The following SPTLC3 variants were observed in gnomAD, a reference collection of about 807,000 sequenced individuals.
The protein encoded by SPTLC3 is serine palmitoyltransferase long chain base subunit 3.
In SPTLC3, 36 loss-of-function variants were observed where a neutral mutation model predicts 59.3. The observed-to-expected ratio is 0.61, with a 90% CI of 0.47 to 0.80. The LOEUF (loss-of-function observed/expected upper bound fraction) is 0.80, where lower values mean the gene tolerates loss of function less well. Ranked by LOEUF, SPTLC3 falls within the 30% of genes least tolerant of loss-of-function variation. The pLI, the probability that SPTLC3 is intolerant of heterozygous loss-of-function variation, is 0.00. For synonymous variants in SPTLC3, 257 were observed against 240.8 expected, an observed-to-expected ratio of 1.07 and a Z score of -0.62; for missense variants, 625 against 685.1, an observed-to-expected ratio of 0.91 and a Z score of 0.98.
At chr20:13,031,514 T>C (rs1477941019) in intron 1 of SPTLC3, among the ~76,000 whole-genome samples, 1 of 152,154 alleles carries the variant, frequency 6.6e-6, no homozygotes, top group Non-Finnish European at 1.5e-5. Context: ...AAACATGAAA[T>C]AAATTATCAA....
intron 7 of SPTLC3, among the ~76,000 whole-genome samples, chr20:13,116,898 C>T (rs1990588461): frequency 6.9e-6 from 1 of 145,388 alleles, no homozygotes. Flanking sequence ...CTGATGTTCA[C>T]TCAACTTTCT....
chr20:13,065,655 TA>T (rs1988174689), intron 2 of SPTLC3, among the ~76,000 whole-genome samples: 1 of 151,892 alleles, frequency 6.6e-6, no homozygotes, highest in Non-Finnish European at 1.5e-5. Context: ...ATTCCTGCCA[TA>T]TTTTTTACAT....
intron 2 of SPTLC3, among the ~76,000 whole-genome samples, chr20:13,059,314 G>A (rs6109675): frequency 0.35 from 53,239 of 152,000 alleles, 10,181 homozygotes; most frequent in African/African-American, 0.52. Context: ...TCACTGTTAC[G>A]TCGCTAGTAT....
In SPTLC3 at chr20:13,146,800, C is replaced by T. The variant is rs59653847; in HGVS notation, c.1280-7203C>T. Among the ~76,000 whole-genome samples, 1,075 of 152,258 alleles carry T rather than the reference C, an allele frequency of 7.1e-3. 13 individuals are homozygous for T. Among genetic ancestry groups the T allele is most frequent in the African/African-American group, 0.025 (1,021 of 41,540 alleles). On this transcript the variant is annotated intron_variant, in intron 9 of 11. Coordinates refer to ENST00000399002, the MANE Select transcript of SPTLC3 (RefSeq NM_018327.4). Reference sequence around the variant, plus strand: ...TTTTCATTTGTGAAGTGTATAACTCCGTGAATGATGGAATTCACGCCTCAT... The same window carrying T: ...TTTTCATTTGTGAAGTGTATAACTCTGTGAATGATGGAATTCACGCCTCAT...
At position 13,101,940 on chromosome 20, in the gene SPTLC3, G is replaced by A. The variant is rs116105285; in HGVS notation, c.827-8172G>A. Among the ~76,000 whole-genome samples, 832 of 152,284 alleles carry A rather than the reference G, an allele frequency of 5.5e-3. 8 individuals are homozygous for A. Among genetic ancestry groups the A allele is most frequent in the African/African-American group, 0.019 (801 of 41,558 alleles). On this transcript the variant is annotated intron_variant, in intron 6 of 11. Transcript: ENST00000399002. ...AAGACTTTCTTAAGCTAGCCTCGGA[G>A]AAAAGCTGTTTCTTCAGCTTAGAGA...
chr20:13,152,740 G>T (rs2038677514), intron 9 of SPTLC3, among the ~76,000 whole-genome samples: 1 of 152,124 alleles, frequency 6.6e-6, no homozygotes, highest in Admixed American at 6.5e-5. Context: ...AAAGAGGAAG[G>T]GCAGGGCCAA....
intron 6 of SPTLC3, 84 bp downstream of exon 6, chr20:13,093,661 T>C: frequency 3.1e-6 from 4 of 1,278,816 alleles, no homozygotes; most frequent in Non-Finnish European, 3.3e-6. Flanking sequence ...TGTTCTGCTC[T>C]TCAAGGTGAC....
intron 9 of SPTLC3, among the ~76,000 whole-genome samples, chr20:13,129,553 G>A (rs2038073687): frequency 1.3e-5 from 2 of 152,234 alleles, no homozygotes; most frequent in Admixed American, 1.3e-4. Flanking sequence ...AAAGACAAGT[G>A]ACTAGGAAAA....
chr20:13,095,404 T>G (rs1989375803), intron 6 of SPTLC3, among the ~76,000 whole-genome samples: 1 of 152,142 alleles, frequency 6.6e-6, no homozygotes. Flanking sequence ...AGCTGCACAA[T>G]AGTGGCATCT....
At chr20:13,018,278 C>T (rs954776167) in intron 1 of SPTLC3, among the ~76,000 whole-genome samples, 8 of 152,178 alleles carry the variant, frequency 5.3e-5, no homozygotes, top group Non-Finnish European at 2.9e-5. Flanking sequence ...AGTCATTGTG[C>T]AATCTCAGTA....
intron 11 of SPTLC3, among the ~76,000 whole-genome samples, chr20:13,163,979 G>A (rs1390456969): frequency 2.0e-5 from 3 of 152,008 alleles, no homozygotes; most frequent in Non-Finnish European, 4.4e-5. Flanking sequence ...ATGTATACAT[G>A]TGCCATGTTG....
chr20:13,125,779 G>T (rs112695332), intron 8 of SPTLC3, among the ~76,000 whole-genome samples: 1 of 152,138 alleles, frequency 6.6e-6, no homozygotes, highest in African/African-American at 2.4e-5. Flanking sequence ...GCATTTTGAG[G>T]CATAGACCCA....
At chr20:13,162,835 A>G (rs1404652279) in intron 11 of SPTLC3, among the ~76,000 whole-genome samples, 2 of 152,110 alleles carry the variant, frequency 1.3e-5, no homozygotes, top group Admixed American at 6.6e-5. Flanking sequence ...CACAAGCTCA[A>G]ATGCAGTGAG....
At chr20:13,100,234 C>T (rs1446707928) in intron 6 of SPTLC3, among the ~76,000 whole-genome samples, 1 of 152,076 alleles carries the variant, frequency 6.6e-6, no homozygotes, top group Non-Finnish European at 1.5e-5. Context: ...ACTTTTAAGC[C>T]TGTGTAAATA....
chr20:13,062,082 C>T (rs1987999450), intron 2 of SPTLC3, among the ~76,000 whole-genome samples: 1 of 152,166 alleles, frequency 6.6e-6, no homozygotes, highest in Admixed American at 6.5e-5. Context: ...CAGGTAATTT[C>T]CACTTACATA....
At chr20:13,110,634 C>G (rs1990178609) in intron 7 of SPTLC3, among the ~76,000 whole-genome samples, 1 of 152,124 alleles carries the variant, frequency 6.6e-6, no homozygotes, top group African/African-American at 2.4e-5. Flanking sequence ...ACGCCCAACC[C>G]CCAGCTGCTT....
Position 13,110,196 on chromosome 20 carries a change from T to C in SPTLC3, c.911T>C (p.Ile304Thr), listed in dbSNP as rs1160688990. The C allele has an allele frequency of 6.2e-7, 1 of 1,613,516 alleles. No homozygotes were observed. Among genetic ancestry groups the C allele is most frequent in the African/African-American group, 1.3e-5 (1 of 74,856 alleles). The change falls in exon 7 of 12, where the codon ATC becomes ACC. Residue 304 changes from isoleucine to threonine, a missense_variant. Coordinates refer to ENST00000399002, the MANE Select transcript of SPTLC3 (RefSeq NM_018327.4). ...RTRRAWKKIL[I>T]LVEGVYSMEG... is the part of the protein sequence containing the mutation. ...CGCAGAGCTTGGAAAAAGATTCTCATCCTGGTGGAGGGTGTCTACAGGTAT... is the reference window on the plus strand; with the variant it reads ...CGCAGAGCTTGGAAAAAGATTCTCACCCTGGTGGAGGGTGTCTACAGGTAT...
chr20:13,087,939 G>A lies in SPTLC3; in HGVS notation c.608-3144G>A, dbSNP rs192485159. Reference sequence around the variant, plus strand: ...AGGGCAAAAAATGGTTTTATGTGGAGGAAATAGTACGTGCAACATCGGGAA... The same window carrying A: ...AGGGCAAAAAATGGTTTTATGTGGAAGAAATAGTACGTGCAACATCGGGAA... On this transcript the variant is annotated intron_variant, in intron 4 of 11. Coordinates refer to ENST00000399002, the MANE Select transcript of SPTLC3 (RefSeq NM_018327.4). Among the ~76,000 whole-genome samples the A allele has an allele frequency of 3.7e-3, 570 of 152,330 alleles. 3 individuals are homozygous for A. Among genetic ancestry groups the A allele is most frequent in the African/African-American group, 0.013 (550 of 41,570 alleles).
At chr20:13,117,863 G>A in intron 8 of SPTLC3, 138 bp downstream of exon 8, 1 of 746,480 alleles carries the variant, frequency 1.3e-6, no homozygotes, top group Non-Finnish European at 2.1e-6. Flanking sequence ...GCTACAGTGG[G>A]TTCACAGCCA....
Sources: allele counts gnomAD v4.1 joint callset (sites outside exome capture counted in the v4.1 genomes callset), GRCh38; gene constraint gnomAD v4.1.1; transcripts MANE v1.5; gene names NCBI Gene and HGNC (gene_info 2026-07-23, HGNC 2026-07-21).